DAB1: variants seen among roughly 807,000 people sequenced by gnomAD.
DAB1 encodes disabled homolog 1.
DAB1 carries 15 observed loss-of-function variants against 64.6 expected under a neutral mutation model. The ratio of observed to expected loss-of-function variants is 0.23; its 90% CI spans 0.16 to 0.36. The LOEUF is 0.36. DAB1 is among the 10% of genes least tolerant of loss of function. DAB1 has a pLI of 1.00. For synonymous variants in DAB1, 235 were observed against 251.9 expected, an observed-to-expected ratio of 0.93 and a Z score of 0.64; for missense variants, 596 against 706.7, an observed-to-expected ratio of 0.84 and a Z score of 1.78.
chr1:58,063,053 A>G (rs2100554259), intron 5 of DAB1, among the ~76,000 whole-genome samples: 1 of 152,354 alleles, frequency 6.6e-6, no homozygotes, highest in Non-Finnish European at 1.5e-5. Context: ...GGCACTGCTC[A>G]GGAATAAGCA....
At chr1:57,269,957 A>G (rs998793419) in intron 2 of DAB1, among the ~76,000 whole-genome samples, 1 of 152,176 alleles carries the variant, frequency 6.6e-6, no homozygotes, top group Non-Finnish European at 1.5e-5. Context: ...ACAAAAGTCG[A>G]TCTACTGAAA....
In DAB1 at chr1:57,484,083, A is replaced by G. The variant is rs1644059823; in HGVS notation, n.625+165509T>C. ...CTAAACCTGGAAGAAGTGAAAGTGC[A>G]TGCTATACAAAGTCTCAGAAAGAAG... is the stretch of plus-strand genomic sequence containing the variant. On this transcript the variant is annotated intron_variant and non_coding_transcript_variant, in intron 7 of 20. Transcript: ENST00000485760. Among the ~76,000 whole-genome samples, 5 of 152,190 alleles carry G rather than the reference A, an allele frequency of 3.3e-5. No homozygotes were observed. The South Asian group carries it at 1.0e-3, about 32-fold the overall frequency.
intron 6 of DAB1, among the ~76,000 whole-genome samples, chr1:57,667,468 C>T (rs1315175828): frequency 1.3e-5 from 2 of 152,140 alleles, no homozygotes; most frequent in Non-Finnish European, 2.9e-5. Context: ...TCTCTCATCC[C>T]ATCCCTACTA....
At chr1:57,896,746 A>C (rs1324055250) in intron 5 of DAB1, among the ~76,000 whole-genome samples, 1 of 152,196 alleles carries the variant, frequency 6.6e-6, no homozygotes, top group Non-Finnish European at 1.5e-5. Context: ...GTATACATAA[A>C]GTATTTAGAA....
At chr1:57,451,545 T>A (rs535094395) in intron 7 of DAB1, among the ~76,000 whole-genome samples, 1 of 152,232 alleles carries the variant, frequency 6.6e-6, no homozygotes. Context: ...GATCTCTAAA[T>A]CTCATGCACA....
chr1:58,406,378 G>C (rs1003821903), intron 3 of DAB1, among the ~76,000 whole-genome samples: 1 of 152,218 alleles, frequency 6.6e-6, no homozygotes. Flanking sequence ...CAGCCCTGTC[G>C]CATCTCCCTC....
At chr1:57,065,886 C>T (rs183670434) in intron 8 of DAB1, among the ~76,000 whole-genome samples, 138 of 152,310 alleles carry the variant, frequency 9.1e-4, no homozygotes, top group Admixed American at 2.2e-3. Context: ...GTCACCATCT[C>T]ATCCCCGTGC....
chr1:58,197,368 G>A (rs1007412769), intron 4 of DAB1, among the ~76,000 whole-genome samples: 5 of 151,588 alleles, frequency 3.3e-5, no homozygotes, highest in Non-Finnish European at 5.9e-5. Context: ...TCTCTTTATG[G>A]TATTAGAAGA....
intron 6 of DAB1, among the ~76,000 whole-genome samples, chr1:57,649,951 T>A (rs1223503962): frequency 2.0e-5 from 3 of 152,196 alleles, no homozygotes; most frequent in Non-Finnish European, 4.4e-5. Context: ...TACATACATA[T>A]CTACACATAC....
intron 5 of DAB1, among the ~76,000 whole-genome samples, chr1:57,940,399 T>C (rs182575484): frequency 1.8e-4 from 28 of 152,350 alleles, no homozygotes; most frequent in Middle Eastern, 3.4e-3. Context: ...GAACTTCTAA[T>C]GTCTGCACCT....
At chr1:57,310,811 CAG>C (rs1194257895) in intron 1 of DAB1, among the ~76,000 whole-genome samples, 1 of 152,052 alleles carries the variant, frequency 6.6e-6, no homozygotes, top group Non-Finnish European at 1.5e-5. Context: ...AACTTAGATG[CAG>C]AGAGTTAAAG....
chr1:57,168,368 A>T (rs577033479), intron 2 of DAB1, among the ~76,000 whole-genome samples: 12 of 152,312 alleles, frequency 7.9e-5, no homozygotes, highest in Non-Finnish European at 1.3e-4. Context: ...TCTTGTGGAG[A>T]TCACAGTCTT....
intron 4 of DAB1, among the ~76,000 whole-genome samples, chr1:58,322,180 G>T (rs1015888939): frequency 6.6e-6 from 1 of 152,152 alleles, no homozygotes; most frequent in Admixed American, 6.5e-5. Context: ...ATAGGCATGG[G>T]CAAAGACCTC....
At chr1:58,389,937 G>A (rs765258222) in intron 3 of DAB1, among the ~76,000 whole-genome samples, 18 of 152,122 alleles carry the variant, frequency 1.2e-4, no homozygotes, top group Middle Eastern at 3.4e-3. Flanking sequence ...GCTGCCTGCC[G>A]GGCAGCAGCA....
chr1:57,534,406 C>T (rs1644701341), intron 7 of DAB1, among the ~76,000 whole-genome samples: 1 of 152,170 alleles, frequency 6.6e-6, no homozygotes, highest in South Asian at 2.1e-4. Flanking sequence ...AATCCTGTTG[C>T]AGCTCTTCCT....
At chr1:57,584,970 G>A (rs931380576) in intron 7 of DAB1, among the ~76,000 whole-genome samples, 2 of 152,000 alleles carry the variant, frequency 1.3e-5, no homozygotes, top group African/African-American at 2.4e-5. Flanking sequence ...CTCACACCTC[G>A]GCCAGGCGCG....
intron 1 of DAB1, among the ~76,000 whole-genome samples, chr1:57,291,384 G>A (rs1466511038): frequency 6.6e-6 from 1 of 152,088 alleles, no homozygotes; most frequent in African/African-American, 2.4e-5. Flanking sequence ...ACTCAAAATA[G>A]ATCTTTAAAA....
intron 4 of DAB1, among the ~76,000 whole-genome samples, chr1:58,226,452 C>T (rs1659489034): frequency 6.6e-6 from 1 of 150,724 alleles, no homozygotes; most frequent in African/African-American, 2.4e-5. Flanking sequence ...GTTAGGAAGG[C>T]ACAGAAGCAG....
chr1:57,164,950 A>C (rs997155390), intron 2 of DAB1, among the ~76,000 whole-genome samples: 2 of 152,202 alleles, frequency 1.3e-5, no homozygotes, highest in African/African-American at 4.8e-5. Context: ...GCAGGGAGAC[A>C]GTTACTCTGT....
Sources: gnomAD v4.1 joint callset for allele counts (sites outside exome capture counted in the v4.1 genomes callset) on GRCh38, gnomAD v4.1.1 for gene constraint, MANE v1.5 for transcripts, NCBI Gene and HGNC (gene_info 2026-07-23, HGNC 2026-07-21) for gene names.